Variants in ETV5 observed in about 807,000 individuals in gnomAD.
The protein encoded by ETV5 is ETS variant transcription factor 5, also known as ETS translocation variant 5.
Under a neutral mutation model 70.0 loss-of-function variants are expected in ETV5, and 10 were observed. The observed-to-expected ratio is 0.14, with a 90% CI of 0.09 to 0.24. The LOEUF (loss-of-function observed/expected upper bound fraction) is 0.24. Among genes scored for constraint, ETV5 ranks in the 10% least tolerant of loss-of-function variants. The pLI is 1.00. For missense variants in ETV5, 453 were observed against 651.2 expected (o/e 0.70, Z 3.31); for synonymous variants, 216 against 242.2 (o/e 0.89, Z 1.01).
rs1713840010 is a variant in ETV5 at position 186,078,038 on chromosome 3, A to T, written c.650+1779T>A. On this transcript the variant is annotated intron_variant, in intron 7 of 12. Transcript: ENST00000306376. ...CTCTTCCTTTCAACACCCACGGGCA[A>T]ATAACTCATCAATCCCAGGAATCCA... 2.8e-6 allele frequency: 3 copies of T among 1,057,408 alleles called. No individual in the cohort carries two copies. In the Admixed American group the frequency reaches 1.6e-4, roughly 57 times the overall value. 65.5% of individuals were successfully genotyped at this position (1,057,408 alleles called of 1,614,324 possible).
At chr3:186,080,411 T>A (rs895925342) in intron 6 of ETV5, 5 of 215,000 alleles carry the variant, frequency 2.3e-5, no homozygotes, top group African/African-American at 1.1e-4. Flanking sequence ...GGTGGGTGGG[T>A]GAGGGGAGAA....
At chr3:186,084,872 CT>C (rs1315516709) in intron 5 of ETV5, among the ~76,000 whole-genome samples, 5 of 152,146 alleles carry the variant, frequency 3.3e-5, no homozygotes. Flanking sequence ...AAAAATACCA[CT>C]TACACCTGTT....
At chr3:186,079,428 G>T in intron 7 of ETV5, 1 of 247,316 alleles carries the variant, frequency 4.0e-6, no homozygotes, top group East Asian at 6.2e-5. Flanking sequence ...TCCCTTATAT[G>T]TAAGTGAAAT....
At chr3:186,094,667 G>T (rs934381370) in intron 5 of ETV5, among the ~76,000 whole-genome samples, 2 of 152,196 alleles carry the variant, frequency 1.3e-5, no homozygotes, top group Admixed American at 6.5e-5. Context: ...GACGAGAAAA[G>T]AATTAGACCA....
intron 9 of ETV5, among the ~76,000 whole-genome samples, chr3:186,063,121 T>C (rs549940771): frequency 3.2e-4 from 48 of 152,096 alleles, no homozygotes; most frequent in African/African-American, 1.2e-3. Flanking sequence ...ATACAAAAAA[T>C]TAGCCGGGCG....
At chr3:186,060,626 G>A (rs1359512577) in intron 9 of ETV5, among the ~76,000 whole-genome samples, 1 of 152,290 alleles carries the variant, frequency 6.6e-6, no homozygotes, top group South Asian at 2.1e-4. Context: ...GGCATCTGTG[G>A]TCAAGCCTGT....
chr3:186,049,435 A>G (rs572677940), intron 12 of ETV5, among the ~76,000 whole-genome samples: 1 of 152,320 alleles, frequency 6.6e-6, no homozygotes, highest in African/African-American at 2.4e-5. Flanking sequence ...GGTTTTCTGC[A>G]TTATAATATT....
At chr3:186,080,271 T>G (rs1354293519) in intron 6 of ETV5, among the ~76,000 whole-genome samples, 167 bp from the exon 7 acceptor site, 1 of 152,192 alleles carries the variant, frequency 6.6e-6, no homozygotes, top group Non-Finnish European at 1.5e-5. Context: ...CTCTGAAAAG[T>G]GACAAACACA....
In ETV5 at chr3:186,047,432, C is replaced by T. The variant is rs1578532434; in HGVS notation, c.*1207G>A. 9 of 232,136 alleles carry T rather than the reference C, an allele frequency of 3.9e-5. No individual in the cohort carries two copies. The East Asian group carries it at 5.5e-4, about 14-fold the overall frequency. 14.4% of individuals were successfully genotyped at this position (232,136 alleles called of 1,614,324 possible). A position where few individuals can be genotyped will look rare whatever the true frequency, so the allele number is the denominator to read the frequency against. ...AAACTGATGAAATGGAAATTGTCATCAGTCATGCCCAGGGAAGAATCCCAA... is the reference window on the plus strand; with the variant it reads ...AAACTGATGAAATGGAAATTGTCATTAGTCATGCCCAGGGAAGAATCCCAA... On this transcript the variant is annotated 3_prime_UTR_variant, in exon 13 of 13. Transcript: ENST00000306376.
intron 8 of ETV5, among the ~76,000 whole-genome samples, chr3:186,064,786 A>T (rs1200613694): frequency 6.6e-6 from 1 of 152,230 alleles, no homozygotes; most frequent in Middle Eastern, 3.2e-3. Flanking sequence ...ATGGCAGGGG[A>T]AAAAATACTG....
chr3:186,076,016 C>T (rs1713775797), intron 7 of ETV5, among the ~76,000 whole-genome samples: 1 of 152,180 alleles, frequency 6.6e-6, no homozygotes, highest in African/African-American at 2.4e-5. Context: ...AGTTCCTCCA[C>T]CCAGCACATG....
chr3:186,098,664 T>G (rs529519888), intron 5 of ETV5, among the ~76,000 whole-genome samples: 2 of 152,242 alleles, frequency 1.3e-5, no homozygotes, highest in East Asian at 3.9e-4. Flanking sequence ...TCTTAGATAT[T>G]TTTTCCAAAC....
At chr3:186,096,366 G>A (rs1001546342) in intron 5 of ETV5, among the ~76,000 whole-genome samples, 4 of 152,084 alleles carry the variant, frequency 2.6e-5, no homozygotes, top group Non-Finnish European at 2.9e-5. Flanking sequence ...TTTTCTATGG[G>A]AAAAGTATAA....
At chr3:186,097,622 G>A (rs1714335864) in intron 5 of ETV5, among the ~76,000 whole-genome samples, 1 of 152,164 alleles carries the variant, frequency 6.6e-6, no homozygotes, top group African/African-American at 2.4e-5. Flanking sequence ...CAAAGAAAGG[G>A]GAATGGGCTT....
chr3:186,082,593 G>A (rs551294925), intron 5 of ETV5, among the ~76,000 whole-genome samples: 1 of 152,102 alleles, frequency 6.6e-6, no homozygotes, highest in African/African-American at 2.4e-5. Context: ...GCTAATTTTT[G>A]TATTTTTAGT....
intron 9 of ETV5, 65 bp downstream of exon 9, chr3:186,064,352 G>T (rs950498127): frequency 2.7e-6 from 4 of 1,476,486 alleles, no homozygotes; most frequent in African/African-American, 2.8e-5. Flanking sequence ...AAGAAAAGCC[G>T]AGAGAAAGAA....
At chr3:186,097,612 C>T (rs1325710977) in intron 5 of ETV5, among the ~76,000 whole-genome samples, 1 of 152,124 alleles carries the variant, frequency 6.6e-6, no homozygotes, top group Non-Finnish European at 1.5e-5. Context: ...AAATGAGAGA[C>T]AAAGAAAGGG....
At chr3:186,090,821 G>A (rs989141091) in intron 5 of ETV5, among the ~76,000 whole-genome samples, 6 of 152,310 alleles carry the variant, frequency 3.9e-5, no homozygotes, top group East Asian at 1.9e-4. Context: ...GGATCAGGAC[G>A]AGAGGAAGCT....
At chr3:186,067,159 C>CGGT (rs1440906090) in intron 7 of ETV5, among the ~76,000 whole-genome samples, 4 of 151,886 alleles carry the variant, frequency 2.6e-5, no homozygotes, top group African/African-American at 9.7e-5. Context: ...TGGCCCAGCA[C>CGGT]GGTGGTGGCT....
Sources: allele counts gnomAD v4.1 joint callset (sites outside exome capture counted in the v4.1 genomes callset), GRCh38; gene constraint gnomAD v4.1.1; transcripts MANE v1.5; gene names NCBI Gene and HGNC (gene_info 2026-07-23, HGNC 2026-07-21).